Variants in FHIT observed in about 807,000 individuals in gnomAD.
The protein encoded by FHIT is bis(5'-adenosyl)-triphosphatase.
Under a neutral mutation model 17.9 loss-of-function variants are expected in FHIT, and 19 were observed. The ratio of observed to expected loss-of-function variants is 1.06; its 90% confidence interval spans 0.74 to 1.56. The LOEUF (loss-of-function observed/expected upper bound fraction) is 1.56, where lower values mean the gene tolerates loss of function less well. Ranked by LOEUF, FHIT falls within the 40% of genes most tolerant of loss-of-function variation. The probability of loss-of-function intolerance (pLI) is 0.00; values close to 1 mark genes in which losing one functional copy is unlikely to be tolerated. For missense variants in FHIT, 248 were observed against 189.2 expected (o/e 1.31, Z -1.82); for synonymous variants, 81 against 69.7 (o/e 1.16, Z -0.81).
At chr3:60,207,178 G>A (rs1335564470) in intron 5 of FHIT, among the ~76,000 whole-genome samples, 1 of 151,964 alleles carries the variant, frequency 6.6e-6, no homozygotes, top group Non-Finnish European at 1.5e-5. Flanking sequence ...GCGTGTGTGT[G>A]TGTGTGTCTC....
intron 8 of FHIT, among the ~76,000 whole-genome samples, chr3:59,906,479 T>C (rs1037748843): frequency 5.9e-5 from 9 of 152,320 alleles, no homozygotes; most frequent in African/African-American, 2.2e-4. Flanking sequence ...CCACAGCATG[T>C]AGACCCCTAA....
intron 5 of FHIT, among the ~76,000 whole-genome samples, chr3:60,053,984 A>T (rs1416587383): frequency 6.6e-6 from 1 of 152,228 alleles, no homozygotes. Flanking sequence ...AGCCATATAT[A>T]TTGTATTCTT....
intron 5 of FHIT, among the ~76,000 whole-genome samples, chr3:60,241,693 T>C (rs1163416290): frequency 1.3e-5 from 2 of 152,066 alleles, no homozygotes; most frequent in Non-Finnish European, 2.9e-5. Flanking sequence ...TGCGGACCCA[T>C]TCCCAGATAG....
At chr3:60,206,161 T>C (rs1261164309) in intron 5 of FHIT, among the ~76,000 whole-genome samples, 1 of 143,708 alleles carries the variant, frequency 7.0e-6, no homozygotes, top group Non-Finnish European at 1.5e-5. Flanking sequence ...ATAATAATAA[T>C]AATAATAATA....
chr3:60,674,786 C>T (rs1181683530), intron 4 of FHIT, among the ~76,000 whole-genome samples: 3 of 152,144 alleles, frequency 2.0e-5, no homozygotes, highest in South Asian at 4.1e-4. Flanking sequence ...GGCTCTTGGT[C>T]CCACAGTGAA....
chr3:60,993,691 C>T (rs1464247332), intron 3 of FHIT, among the ~76,000 whole-genome samples: 1 of 152,118 alleles, frequency 6.6e-6, no homozygotes, highest in Non-Finnish European at 1.5e-5. Context: ...CTTTGGCTTA[C>T]CAAACATCAG....
intron 5 of FHIT, among the ~76,000 whole-genome samples, chr3:60,335,848 TA>T (rs778958608): frequency 3.3e-5 from 5 of 151,990 alleles, no homozygotes; most frequent in Admixed American, 6.6e-5. Context: ...GTAAAGAACT[TA>T]AAAAAAATGG....
At chr3:60,805,789 C>T (rs1346194788) in intron 4 of FHIT, among the ~76,000 whole-genome samples, 1 of 151,802 alleles carries the variant, frequency 6.6e-6, no homozygotes, top group African/African-American at 2.4e-5. Flanking sequence ...TCAATCTCCT[C>T]ACCTCGTGAT....
intron 5 of FHIT, among the ~76,000 whole-genome samples, chr3:60,043,876 G>A (rs1187517608): frequency 6.6e-6 from 1 of 152,152 alleles, no homozygotes; most frequent in Admixed American, 6.5e-5. Flanking sequence ...ACATCAGACA[G>A]TGGCAGCCTA....
At chr3:60,669,019 A>AT (rs1306855837) in intron 4 of FHIT, among the ~76,000 whole-genome samples, 2 of 152,102 alleles carry the variant, frequency 1.3e-5, no homozygotes, top group Non-Finnish European at 2.9e-5. Flanking sequence ...ATTTCCATTC[A>AT]TTTTTTGGCA....
chr3:60,422,944 T>C (rs577328842), intron 5 of FHIT, among the ~76,000 whole-genome samples: 1 of 152,308 alleles, frequency 6.6e-6, no homozygotes, highest in African/African-American at 2.4e-5. Context: ...TCTCCTGAGA[T>C]GAAATCTACT....
At chr3:60,974,904 AT>A (rs1710171185) in intron 3 of FHIT, among the ~76,000 whole-genome samples, 1 of 152,184 alleles carries the variant, frequency 6.6e-6, no homozygotes, top group Admixed American at 6.5e-5. Flanking sequence ...TTTTTCACCT[AT>A]TCCTCACAGA....
chr3:60,038,437 T>C (rs1043762271), intron 5 of FHIT, among the ~76,000 whole-genome samples: 1 of 147,888 alleles, frequency 6.8e-6, no homozygotes, highest in African/African-American at 2.4e-5. Context: ...TCTGAAAAAT[T>C]TGTCAGAATA....
intron 5 of FHIT, among the ~76,000 whole-genome samples, chr3:60,204,782 G>C (rs1179002857): frequency 4.6e-5 from 7 of 152,102 alleles, no homozygotes; most frequent in Non-Finnish European, 8.8e-5. Context: ...ATACATGGTA[G>C]ATTAAAATAT....
intron 4 of FHIT, among the ~76,000 whole-genome samples, chr3:60,594,787 G>A (rs1166415784): frequency 6.6e-6 from 1 of 151,926 alleles, no homozygotes; most frequent in South Asian, 2.1e-4. Flanking sequence ...TTCTCCCTGG[G>A]GGCCTTCTAT....
At chr3:60,213,030 T>C (rs1281876936) in intron 5 of FHIT, among the ~76,000 whole-genome samples, 1 of 152,146 alleles carries the variant, frequency 6.6e-6, no homozygotes, top group Non-Finnish European at 1.5e-5. Flanking sequence ...TCTGTGTCCC[T>C]CTCAAAGTAC....
At position 61,056,922 on chromosome 3, in the gene FHIT, AG is replaced by A. The variant is rs1207155610; in HGVS notation, c.-163-14824del. Among the ~76,000 whole-genome samples, 11 of 152,310 alleles carry A rather than the reference AG, an allele frequency of 7.2e-5. No homozygotes were observed. In the East Asian group the frequency reaches 2.1e-3, roughly 29 times the overall value. On this transcript the variant is annotated intron_variant, in intron 2 of 9. Transcript: ENST00000492590. The stretch of plus-strand genomic sequence containing the variant: ...AGGTATTGCTGTTTTAGCTGTCACA[AG>A]CAAAAGATAAAAAAAACAAACTTAC...
intron 5 of FHIT, among the ~76,000 whole-genome samples, chr3:60,490,519 C>T (rs1224812423): frequency 6.6e-6 from 1 of 151,874 alleles, no homozygotes; most frequent in Non-Finnish European, 1.5e-5. Flanking sequence ...CAATCCAAAA[C>T]TGTAACTACT....
At chr3:59,875,452 T>C (rs944638409) in intron 8 of FHIT, among the ~76,000 whole-genome samples, 4 of 152,236 alleles carry the variant, frequency 2.6e-5, no homozygotes, top group African/African-American at 9.6e-5. Context: ...TCTTGTCTGA[T>C]ACCAGGGCTC....
Sources: gnomAD v4.1 joint callset for allele counts (sites outside exome capture counted in the v4.1 genomes callset) on GRCh38, gnomAD v4.1.1 for gene constraint, MANE v1.5 for transcripts, NCBI Gene and HGNC (gene_info 2026-07-23, HGNC 2026-07-21) for gene names.